The following RSPH9 variants were observed in gnomAD, a reference collection of about 807,000 sequenced individuals.
The protein encoded by RSPH9 is radial spoke head protein 9 homolog.
RSPH9 carries 27 observed loss-of-function variants against 27.0 expected under a neutral mutation model. The observed-to-expected ratio is 1.00, with a 90% CI of 0.74 to 1.38. RSPH9 has a LOEUF of 1.38. RSPH9 is among the 40% of genes most tolerant of loss of function. The pLI, the probability that RSPH9 is intolerant of heterozygous loss-of-function variation, is 0.00. For synonymous variants in RSPH9, 145 were observed against 147.7 expected (o/e 0.98, Z 0.13); for missense variants, 347 against 357.4 (o/e 0.97, Z 0.24).
At chr6:43,645,619 C>T (rs1195313947) in intron 1 of RSPH9, among the ~76,000 whole-genome samples, 1 of 152,254 alleles carries the variant, frequency 6.6e-6, no homozygotes, top group Admixed American at 6.5e-5. Context: ...CTTGCGAGAG[C>T]TTGTTCTCCG....
In RSPH9 at chr6:43,671,235, A is replaced by C; in HGVS notation, c.*286A>C. The C allele has an allele frequency of 1.8e-6, 1 of 545,112 alleles. No individual in the cohort carries two copies. Among genetic ancestry groups the C allele is most frequent in the East Asian group, 3.2e-5 (1 of 31,532 alleles). 33.8% of individuals were successfully genotyped at this position (545,112 alleles called of 1,614,324 possible). ...ACGCAGTTTCTTGGATTCACACGAG[A>C]GCGGCAAGTGTGTCAGGCAGCCCAC... On this transcript the variant is annotated 3_prime_UTR_variant, in exon 5 of 5. Coordinates refer to ENST00000372163, the MANE Select transcript of RSPH9 (RefSeq NM_152732.5).
At chr6:43,662,523 C>T (rs936558632) in intron 4 of RSPH9, among the ~76,000 whole-genome samples, 19 of 152,034 alleles carry the variant, frequency 1.2e-4, no homozygotes, top group African/African-American at 3.9e-4. Context: ...CCCGCCACCA[C>T]GCCCAGCTAA....
intron 2 of RSPH9, among the ~76,000 whole-genome samples, chr6:43,653,620 C>T (rs990900154): frequency 3.3e-5 from 5 of 152,040 alleles, no homozygotes; most frequent in African/African-American, 4.8e-5. Context: ...TGGGTGATGC[C>T]GAAAGTCTGA....
rs377301947 is a variant in RSPH9, at chr6:43,663,910, TC to T, written c.671-6876del. On this transcript the variant is annotated intron_variant, in intron 4 of 4. Transcript: ENST00000372163. ...CCAGGTGTAGTGTGCACACCTGTAG[TC>T]CCAGCTACTCAGGAGGCTGAGACAC... 2.5e-3 allele frequency among the ~76,000 whole-genome samples: 379 copies of T among 151,194 alleles called. 2 individuals carry two copies. The highest frequency in any genetic ancestry group is 8.9e-3 in the African/African-American group (367 of 41,174).
chr6:43,662,870 C>T (rs151210810), intron 4 of RSPH9, among the ~76,000 whole-genome samples: 229 of 152,268 alleles, frequency 1.5e-3, no homozygotes, highest in Middle Eastern at 3.4e-3. Context: ...GATCATAACT[C>T]ATTGTAACTT....
At position 43,655,605 on chromosome 6, in the gene RSPH9, A is replaced by T; in HGVS notation, c.437A>T (p.Gln146Leu). Residue 146 changes from glutamine (Q) to leucine (L), a missense_variant, in exon 3 of 5, where the codon CAG becomes CTG. By Grantham distance (113) the Gln-to-Leu change is moderately radical. Coordinates refer to ENST00000372163, the MANE Select transcript of RSPH9 (RefSeq NM_152732.5). ...EETRLVSVID[Q>L]IDKAVAIIPR... is the part of the protein sequence containing the mutation. ...ACCCGCTTGGTGTCTGTCATTGACC[A>T]GATTGACAAGGCTGTGGCCATCATC... 1 of 1,614,172 alleles carries T rather than the reference A, an allele frequency of 6.2e-7. No homozygotes were observed. Among genetic ancestry groups the T allele is most frequent in the Non-Finnish European group, 8.5e-7 (1 of 1,180,000 alleles).
At chr6:43,658,228 T>C (rs1772221813) in intron 4 of RSPH9, among the ~76,000 whole-genome samples, 1 of 146,690 alleles carries the variant, frequency 6.8e-6, no homozygotes, top group African/African-American at 2.5e-5. Context: ...GAGGCAGAGG[T>C]TGCAGTGAGC....
rs541880115 is a variant in RSPH9, at chr6:43,672,017, T to G, written c.*1068T>G. On this transcript the variant is annotated 3_prime_UTR_variant, in exon 5 of 5. Coordinates refer to ENST00000372163, the MANE Select transcript of RSPH9 (RefSeq NM_152732.5). ...GGCCACGGTTGGGCAAGCAAATCCT[T>G]TCACCAGTTTCCCTTTCCTGAAGTG... 79 of 1,255,376 alleles carry G rather than the reference T, an allele frequency of 6.3e-5. 1 individual carries two copies. In the Admixed American group the frequency reaches 1.8e-3, roughly 29 times the overall value. The allele number at this position is 1,255,376 out of a possible 1,614,324, so 77.8% of individuals were successfully genotyped here. A position where few individuals can be genotyped will look rare whatever the true frequency, so the allele number is the denominator to read the frequency against.
intron 4 of RSPH9, among the ~76,000 whole-genome samples, chr6:43,662,457 C>T (rs1199581770): frequency 6.6e-6 from 1 of 151,934 alleles, no homozygotes; most frequent in Non-Finnish European, 1.5e-5. Flanking sequence ...AGCTCTGCCT[C>T]CCAGGTTCAC....
chr6:43,656,246 C>A (rs775649466), intron 3 of RSPH9, among the ~76,000 whole-genome samples: 1 of 152,012 alleles, frequency 6.6e-6, no homozygotes, highest in Non-Finnish European at 1.5e-5. Flanking sequence ...CTACCACGCT[C>A]GGCTAATTTT....
chr6:43,652,275 C>A (rs545944813), intron 2 of RSPH9, among the ~76,000 whole-genome samples: 116 of 148,012 alleles, frequency 7.8e-4, no homozygotes, highest in Admixed American at 1.8e-3. Context: ...CACTGCACTC[C>A]AGCCTGGGCG....
In RSPH9 at chr6:43,672,014, C is replaced by T. The variant is rs1277020067; in HGVS notation, c.*1065C>T. The T allele has an allele frequency of 7.8e-7, 1 of 1,284,646 alleles. No homozygotes were observed. Among genetic ancestry groups the T allele is most frequent in the Non-Finnish European group, 1.0e-6 (1 of 954,330 alleles). The allele number at this position is 1,284,646 out of a possible 1,614,324, so 79.6% of individuals were successfully genotyped here. A position where few individuals can be genotyped will look rare whatever the true frequency, so the allele number is the denominator to read the frequency against. The stretch of plus-strand genomic sequence containing the variant: ...CCAGGCCACGGTTGGGCAAGCAAAT[C>T]CTTTCACCAGTTTCCCTTTCCTGAA... On this transcript the variant is annotated 3_prime_UTR_variant, in exon 5 of 5. Transcript: ENST00000372163.
rs1174484898 is a variant in RSPH9, at chr6:43,655,671, A to G, written c.503A>G (p.His168Arg). 2.5e-6 allele frequency: 4 copies of G among 1,614,202 alleles called. No homozygotes were observed. Among genetic ancestry groups the G allele is most frequent in the Non-Finnish European group, 3.4e-6 (4 of 1,180,026 alleles). Residue 168 changes from histidine to arginine, a missense_variant, in exon 3 of 5, where the codon CAT becomes CGT. Physicochemically the swap from His to Arg is conservative, Grantham distance 29. Transcript: ENST00000372163. ...ALFKTPFGPT[H>R]VNRTFEGLSL... ...TTCAAGACCCCTTTTGGACCCACCC[A>G]TGTCAATCGGACCTTTGAAGGTGAG...
At chr6:43,659,225 C>CTTT (rs56790116) in intron 4 of RSPH9, among the ~76,000 whole-genome samples, 13 of 144,598 alleles carry the variant, frequency 9.0e-5, no homozygotes, top group African/African-American at 3.3e-4. Context: ...CCACTGAAGT[C>CTTT]TTTTTTTTTT....
intron 4 of RSPH9, among the ~76,000 whole-genome samples, chr6:43,670,284 G>GA (rs1243850035): frequency 2.0e-5 from 3 of 152,208 alleles, no homozygotes; most frequent in Non-Finnish European, 4.4e-5. Context: ...CCCTCCCTCT[G>GA]AAAGTGGTTT....
At chr6:43,653,422 G>T (rs1270443847) in intron 2 of RSPH9, among the ~76,000 whole-genome samples, 1 of 148,914 alleles carries the variant, frequency 6.7e-6, no homozygotes, top group Non-Finnish European at 1.5e-5. Flanking sequence ...ACTCCAGCCT[G>T]GGTGACAGAG....
chr6:43,670,756 A>ACCAGGCCTCACCTCCTGCCTGTCTT (rs1351391886), intron 4 of RSPH9, 33 bp from the exon 5 acceptor site: 3 of 1,600,254 alleles, frequency 1.9e-6, no homozygotes, highest in African/African-American at 2.7e-5. Flanking sequence ...CTCCAGCAGC[A>ACCAGGCCTCACCTCCTGCCTGTCTT]CCAGGCCTCA....
intron 3 of RSPH9, 56 bp from the exon 4 acceptor site, chr6:43,656,521 G>T: frequency 1.2e-6 from 2 of 1,608,294 alleles, no homozygotes; most frequent in Non-Finnish European, 1.7e-6. Flanking sequence ...CAGACAGAAA[G>T]GGGGCTGGGG....
intron 4 of RSPH9, 37 bp downstream of exon 4, chr6:43,656,760 C>G (rs1450938622): frequency 3.2e-5 from 52 of 1,611,170 alleles, no homozygotes; most frequent in Non-Finnish European, 4.3e-5. Flanking sequence ...GGGATCTGTC[C>G]TCAGGCCATA....
Sources: gnomAD v4.1 joint callset for allele counts (sites outside exome capture counted in the v4.1 genomes callset) on GRCh38, gnomAD v4.1.1 for gene constraint, MANE v1.5 for transcripts, NCBI Gene and HGNC (gene_info 2026-07-23, HGNC 2026-07-21) for gene names.